Variants in TRERF1 observed in about 807,000 individuals in gnomAD.
TRERF1 encodes transcriptional regulating factor 1, also known as transcriptional-regulating factor 1.
A neutral mutation model predicts 122.9 loss-of-function variants in TRERF1; 27 were observed. The ratio of observed to expected loss-of-function variants is 0.22; its 90% CI spans 0.16 to 0.30. TRERF1 has a LOEUF of 0.30. Ranked by LOEUF, TRERF1 falls within the 10% of genes least tolerant of loss-of-function variation. The probability of loss-of-function intolerance (pLI) is 1.00; values close to 1 mark genes in which losing one functional copy is unlikely to be tolerated. For missense variants in TRERF1, 1,248 were observed against 1,560.3 expected, an observed-to-expected ratio of 0.80 and a Z score of 3.37; for synonymous variants, 636 against 641.7, an observed-to-expected ratio of 0.99 and a Z score of 0.13.
intron 2 of TRERF1, among the ~76,000 whole-genome samples, chr6:42,427,681 C>T (rs1472602717): frequency 6.6e-6 from 1 of 151,604 alleles, no homozygotes; most frequent in Admixed American, 6.6e-5. Context: ...TCCCGAGTAG[C>T]TGGGACTACA....
chr6:42,440,363 C>T (rs544130968), intron 2 of TRERF1, among the ~76,000 whole-genome samples: 16 of 152,238 alleles, frequency 1.1e-4, no homozygotes, highest in Middle Eastern at 3.4e-3. Flanking sequence ...ATACCAGCTC[C>T]GCCACGCAGC....
chr6:42,264,722 G>A (rs750283317), exon 7 of TRERF1: 2 of 1,613,966 alleles, frequency 1.2e-6, no homozygotes, highest in East Asian at 2.2e-5. Context: ...GGTTGGGGGA[G>A]GCCCTCATTC....
chr6:42,386,668 A>G (rs776222077), intron 2 of TRERF1, among the ~76,000 whole-genome samples: 7 of 152,198 alleles, frequency 4.6e-5, no homozygotes, highest in Non-Finnish European at 7.3e-5. Flanking sequence ...AAACACCTCT[A>G]AGCTGCAAAA....
rs766411594 is a variant in TRERF1 at position 42,256,944 on chromosome 6, T to C, written c.2476+19A>G. 5.9e-5 allele frequency: 95 copies of C among 1,613,906 alleles called. No individual in the cohort carries two copies. The highest frequency in any genetic ancestry group is 7.8e-5 in the Non-Finnish European group (92 of 1,179,932). ...GAGAATCAAACCTCTCCCACCCAGCTCTTCCCATATGCCAATACCTCTTTG... is the reference window on the plus strand; with the variant it reads ...GAGAATCAAACCTCTCCCACCCAGCCCTTCCCATATGCCAATACCTCTTTG... On this transcript the variant is annotated intron_variant, in intron 11 of 17. Coordinates refer to ENST00000372922, the Ensembl canonical transcript of TRERF1.
chr6:42,339,727 G>A (rs1363534592), intron 3 of TRERF1, among the ~76,000 whole-genome samples: 2 of 152,154 alleles, frequency 1.3e-5, no homozygotes, highest in Non-Finnish European at 2.9e-5. Flanking sequence ...AACAGGCCCT[G>A]AACAAGTAGC....
intron 2 of TRERF1, among the ~76,000 whole-genome samples, chr6:42,398,075 ATAAGTCAG>A (rs1166920605): frequency 6.6e-6 from 1 of 152,234 alleles, no homozygotes; most frequent in African/African-American, 2.4e-5. Flanking sequence ...GAAGAAGGTG[ATAAGTCAG>A]TAGGATGGGA....
intron 2 of TRERF1, among the ~76,000 whole-genome samples, chr6:42,442,785 C>T (rs972671902): frequency 1.3e-5 from 2 of 152,188 alleles, no homozygotes; most frequent in Non-Finnish European, 2.9e-5. Flanking sequence ...TTCTGTACCA[C>T]ATTCTTTTAT....
At chr6:42,398,473 G>A (rs1373295404) in intron 2 of TRERF1, among the ~76,000 whole-genome samples, 1 of 152,082 alleles carries the variant, frequency 6.6e-6, no homozygotes, top group Non-Finnish European at 1.5e-5. Flanking sequence ...CAGATCCAAT[G>A]CCATCTTTGC....
chr6:42,271,540 T>TAC (rs1178184443), intron 4 of TRERF1, among the ~76,000 whole-genome samples: 1 of 152,200 alleles, frequency 6.6e-6, no homozygotes, highest in East Asian at 1.9e-4. Flanking sequence ...CCTGGTCATA[T>TAC]ACATAAAGGT....
chr6:42,285,195 C>T (rs892295999), intron 4 of TRERF1, among the ~76,000 whole-genome samples: 22 of 152,240 alleles, frequency 1.4e-4, no homozygotes, highest in African/African-American at 5.3e-4. Context: ...AGAGGTCCTT[C>T]ACATCCCTTG....
At chr6:42,308,888 A>G (rs1332810572) in intron 3 of TRERF1, among the ~76,000 whole-genome samples, 1 of 152,190 alleles carries the variant, frequency 6.6e-6, no homozygotes, top group Admixed American at 6.5e-5. Flanking sequence ...CTCCCATGAC[A>G]TAAGTTTACC....
Position 42,334,616 on chromosome 6 carries a change from G to C in TRERF1, c.-371+28381C>G, listed in dbSNP as rs149030700. On this transcript the variant is annotated intron_variant, in intron 3 of 17. Transcript: ENST00000372922. The stretch of plus-strand genomic sequence containing the variant: ...ATGAAAATAGCTGGTTCTGAGCAGG[G>C]AACAGGGTGGACCTGTGAGAGGGGC... Among the ~76,000 whole-genome samples, 455 of 152,320 alleles carry C rather than the reference G, an allele frequency of 3.0e-3. 4 individuals carry two copies. Among genetic ancestry groups the C allele is most frequent in the African/African-American group, 0.01 (424 of 41,572 alleles).
chr6:42,342,528 C>T (rs12529182), intron 3 of TRERF1, among the ~76,000 whole-genome samples: 1 of 152,134 alleles, frequency 6.6e-6, no homozygotes, highest in Admixed American at 6.5e-5. Flanking sequence ...GAAATTAAAT[C>T]TATTTTCTAA....
intron 2 of TRERF1, among the ~76,000 whole-genome samples, chr6:42,408,241 GTATATATACATACACA>G (rs1562152628): frequency 0.078 from 7,852 of 100,206 alleles, 425 homozygotes; most frequent in African/African-American, 0.22. Flanking sequence ...GTGTGTGTAT[GTATATATACATACACA>G]TGTGTGTGTA....
chr6:42,233,682 G>A (rs1216656589), intron 16 of TRERF1, among the ~76,000 whole-genome samples: 4 of 151,648 alleles, frequency 2.6e-5, no homozygotes, highest in Admixed American at 6.6e-5. Context: ...AGGAAATCAG[G>A]TCTTACTAAA....
chr6:42,327,469 G>A (rs1764492006), intron 3 of TRERF1, among the ~76,000 whole-genome samples: 1 of 152,116 alleles, frequency 6.6e-6, no homozygotes, highest in Non-Finnish European at 1.5e-5. Flanking sequence ...GATGACTTCT[G>A]TATCCCCAGA....
In TRERF1 at chr6:42,232,098, G is replaced by A. The variant is rs1770670209; in HGVS notation, c.3278+583C>T. Among the ~76,000 whole-genome samples, 5 of 152,134 alleles carry A rather than the reference G, an allele frequency of 3.3e-5. No individual in the cohort carries two copies. In the South Asian group the frequency reaches 1.0e-3, roughly 32 times the overall value. On this transcript the variant is annotated intron_variant, in intron 17 of 17. Transcript: ENST00000372922. This position sits in a 1 kb window ranked among gnomAD's most constrained non-coding sequence, Gnocchi z 4.5. Reference sequence around the variant, plus strand: ...TTTTTAAATTATACCTAAAAGGGGAGGATAACAAATAGGTTTTATTTCATG... The same window carrying A: ...TTTTTAAATTATACCTAAAAGGGGAAGATAACAAATAGGTTTTATTTCATG...
At chr6:42,427,729 T>C (rs1044023109) in intron 2 of TRERF1, among the ~76,000 whole-genome samples, 1 of 151,844 alleles carries the variant, frequency 6.6e-6, no homozygotes, top group Non-Finnish European at 1.5e-5. Context: ...TTTGTATTTT[T>C]TGTAGAGACA....
At chr6:42,302,975 C>T (rs367784271) in intron 3 of TRERF1, among the ~76,000 whole-genome samples, 1 of 152,206 alleles carries the variant, frequency 6.6e-6, no homozygotes, top group African/African-American at 2.4e-5. Flanking sequence ...AGGCATGGAG[C>T]TAGACTCAGG....
Sources: allele counts gnomAD v4.1 joint callset (sites outside exome capture counted in the v4.1 genomes callset), GRCh38; gene constraint gnomAD v4.1.1; non-coding constraint Gnocchi (gnomAD v3.1); transcripts MANE v1.5; gene names NCBI Gene and HGNC (gene_info 2026-07-23, HGNC 2026-07-21).